EVL: variants seen among roughly 807,000 people sequenced by gnomAD.
EVL encodes Enah/Vasp-like.
EVL carries 21 observed loss-of-function variants against 59.6 expected under a neutral mutation model. The ratio of observed to expected loss-of-function variants is 0.35; its 90% CI spans 0.25 to 0.51. The LOEUF (loss-of-function observed/expected upper bound fraction) is 0.51. Among genes scored for constraint, EVL ranks in the 20% least tolerant of loss-of-function variants. The probability of loss-of-function intolerance (pLI) is 0.97; values close to 1 mark genes in which losing one functional copy is unlikely to be tolerated. For missense variants in EVL, 462 were observed against 546.6 expected (o/e 0.85, Z 1.54); for synonymous variants, 198 against 203.5 (o/e 0.97, Z 0.23).
At chr14:99,989,678 G>A (rs2060863087) in intron 1 of EVL, among the ~76,000 whole-genome samples, 1 of 152,082 alleles carries the variant, frequency 6.6e-6, no homozygotes, top group Non-Finnish European at 1.5e-5. Context: ...CAGTTACATG[G>A]TGGCTATCAT....
rs554811247 is a variant in EVL at position 100,026,249 on chromosome 14, A to T, written c.5+54192A>T. Among the ~76,000 whole-genome samples the T allele has an allele frequency of 1.5e-3, 228 of 152,106 alleles. 1 individual carries two copies. Among genetic ancestry groups the T allele is most frequent in the Non-Finnish European group, 2.7e-3 (184 of 67,976 alleles). On this transcript the variant is annotated intron_variant, in intron 1 of 13. Transcript: ENST00000402714. Reference sequence around the variant, plus strand: ...GTCTCAGGAAAAAAAAAAACAAAAAAAAAACACAACACTGTTGTGTCCATA... The same window carrying T: ...GTCTCAGGAAAAAAAAAAACAAAAATAAAACACAACACTGTTGTGTCCATA...
At chr14:100,070,277 G>C (rs551921544) in intron 1 of EVL, among the ~76,000 whole-genome samples, 106 of 152,094 alleles carry the variant, frequency 7.0e-4, no homozygotes, top group African/African-American at 2.3e-3. Context: ...AAAAAGAAAA[G>C]AAAACAAGGG....
At chr14:100,043,607 T>C (rs1330141185) in intron 1 of EVL, among the ~76,000 whole-genome samples, 1 of 76,208 alleles carries the variant, frequency 1.3e-5, no homozygotes, top group Admixed American at 1.1e-4. Context: ...TCCTCTGCCT[T>C]TTTTTTTTTT....
chr14:100,094,893 T>A (rs953039505), intron 2 of EVL, among the ~76,000 whole-genome samples: 1 of 150,462 alleles, frequency 6.6e-6, no homozygotes, highest in African/African-American at 2.4e-5. Flanking sequence ...TACAAAAAAT[T>A]AGCTGGGCGT....
At position 100,128,582 on chromosome 14, in the gene EVL, C is replaced by T. The variant is rs1888226431; in HGVS notation, c.551C>T (p.Pro184Leu). ...AASAPVSCSG[P>L]PPPPPPPVPP... ...AGCGCCCCCGTCTCATGTAGTGGGCCTCCACCGCCCCCCCCACCCCCAGTC... is the reference window on the plus strand; with the variant it reads ...AGCGCCCCCGTCTCATGTAGTGGGCTTCCACCGCCCCCCCCACCCCCAGTC... Residue 184 changes from proline to leucine, a missense_variant, in exon 6 of 14, where the codon CCT becomes CTT. Pro to Leu is a moderately conservative substitution (Grantham distance 98, BLOSUM62 -3). Coordinates refer to ENST00000392920, the MANE Select transcript of EVL (RefSeq NM_016337.3). 6.3e-7 allele frequency: 1 copy of T among 1,589,424 alleles called. No individual in the cohort carries two copies. Among genetic ancestry groups the T allele is most frequent in the Non-Finnish European group, 8.6e-7 (1 of 1,162,008 alleles).
intron 5 of EVL, among the ~76,000 whole-genome samples, 158 bp from the exon 6 acceptor site, chr14:100,128,361 C>T (rs60417121): frequency 0.077 from 11,770 of 152,240 alleles, 990 homozygotes; most frequent in African/African-American, 0.2. Flanking sequence ...AAGTTCATCC[C>T]GCGGAGGCTT....
intron 2 of EVL, among the ~76,000 whole-genome samples, chr14:100,094,901 C>T (rs958232465): frequency 2.6e-5 from 4 of 151,840 alleles, no homozygotes; most frequent in Non-Finnish European, 4.4e-5. Context: ...ATTAGCTGGG[C>T]GTGGTGGCAG....
In EVL at chr14:100,008,921, G is replaced by A. The variant is rs556899025; in HGVS notation, c.5+36864G>A. ...AAGAAGCAGTGCTATTTTAGATGAG[G>A]GAAAAAACACTGCTTTTTACATCTT... On this transcript the variant is annotated intron_variant, in intron 1 of 13. Transcript: ENST00000402714. 2.0e-5 allele frequency among the ~76,000 whole-genome samples: 3 copies of A among 152,078 alleles called. No individual in the cohort carries two copies. In the East Asian group the frequency reaches 5.8e-4, roughly 29 times the overall value.
chr14:100,122,354 G>A (rs1887755409), intron 3 of EVL, among the ~76,000 whole-genome samples: 1 of 152,198 alleles, frequency 6.6e-6, no homozygotes, highest in Non-Finnish European at 1.5e-5. Flanking sequence ...TTCTGGGCCT[G>A]GCTTCCCAGC....
chr14:100,092,337 C>T (rs72711941), intron 2 of EVL, among the ~76,000 whole-genome samples: 9,396 of 152,218 alleles, frequency 0.062, 463 homozygotes, highest in East Asian at 0.27. Flanking sequence ...TGAAAATGTT[C>T]ATAACAGTTG....
intron 3 of EVL, among the ~76,000 whole-genome samples, chr14:100,116,611 A>G (rs1887363660): frequency 6.6e-6 from 1 of 152,056 alleles, no homozygotes; most frequent in South Asian, 2.1e-4. Context: ...AAATTAATGC[A>G]TTACCTCAGA....
intron 3 of EVL, among the ~76,000 whole-genome samples, chr14:100,118,185 G>A (rs1267709346): frequency 1.3e-5 from 2 of 152,122 alleles, no homozygotes; most frequent in African/African-American, 2.4e-5. Context: ...CCTGGGCCAC[G>A]CCTGACCGCC....
intron 8 of EVL, among the ~76,000 whole-genome samples, chr14:100,133,616 A>C (rs1454773767): frequency 6.6e-6 from 1 of 152,108 alleles, no homozygotes; most frequent in Non-Finnish European, 1.5e-5. Context: ...TTCAGCCTGC[A>C]CTTCCCTGCA....
chr14:100,132,423 G>A (rs1249168646), intron 7 of EVL, among the ~76,000 whole-genome samples: 2 of 152,008 alleles, frequency 1.3e-5, no homozygotes, highest in African/African-American at 4.8e-5. Context: ...TCCCCTCCAC[G>A]CCTCAGATGC....
intron 1 of EVL, among the ~76,000 whole-genome samples, chr14:100,014,967 C>T (rs553761811): frequency 6.6e-6 from 1 of 152,352 alleles, no homozygotes; most frequent in African/African-American, 2.4e-5. Context: ...CCTTCTGTTT[C>T]ATCTCCACAC....
intron 1 of EVL, among the ~76,000 whole-genome samples, chr14:100,055,611 T>C (rs1157430398): frequency 6.6e-6 from 1 of 152,234 alleles, no homozygotes; most frequent in Non-Finnish European, 1.5e-5. Context: ...TCCAGCATTC[T>C]GAAGATAATA....
intron 1 of EVL, among the ~76,000 whole-genome samples, chr14:100,055,601 T>A (rs984969716): frequency 6.6e-6 from 1 of 152,334 alleles, no homozygotes; most frequent in Middle Eastern, 3.4e-3. Flanking sequence ...ATTTGTTTTC[T>A]CCAGCATTCT....
At chr14:99,986,062 C>T (rs1007300878) in intron 1 of EVL, among the ~76,000 whole-genome samples, 7 of 152,022 alleles carry the variant, frequency 4.6e-5, no homozygotes, top group Non-Finnish European at 4.4e-5. Flanking sequence ...GAGGCCAAGG[C>T]GAGCGGATCA....
At chr14:100,099,517 A>G (rs1004294583) in intron 3 of EVL, among the ~76,000 whole-genome samples, 1 of 152,144 alleles carries the variant, frequency 6.6e-6, no homozygotes, top group Non-Finnish European at 1.5e-5. Flanking sequence ...CAATGCTCCA[A>G]AGTTTGTAGA....
Sources: allele counts gnomAD v4.1 joint callset (sites outside exome capture counted in the v4.1 genomes callset), GRCh38; gene constraint gnomAD v4.1.1; transcripts MANE v1.5; gene names NCBI Gene and HGNC (gene_info 2026-07-23, HGNC 2026-07-21).